Variants in PCDHGA5 observed in about 807,000 individuals in gnomAD.
The protein encoded by PCDHGA5 is protocadherin gamma subfamily A, 5, also known as protocadherin gamma-A5.
In PCDHGA5, 36 loss-of-function variants were observed where a neutral mutation model predicts 56.7. The ratio of observed to expected loss-of-function variants is 0.64; its 90% CI spans 0.49 to 0.84. The LOEUF is 0.84. Ranked by LOEUF, PCDHGA5 falls within the 40% of genes least tolerant of loss-of-function variation. The pLI is 0.00. For synonymous variants in PCDHGA5, 563 were observed against 520.2 expected (o/e 1.08, Z -1.12); for missense variants, 1,305 against 1,201.5 (o/e 1.09, Z -1.27).
At position 141,485,286 on chromosome 5, in the gene PCDHGA5, A is replaced by G; in HGVS notation, c.2422-9521A>G. The G allele has an allele frequency of 2.5e-6, 4 of 1,614,044 alleles. No individual in the cohort carries two copies. On this transcript the variant is annotated intron_variant, in intron 1 of 3. Transcript: ENST00000518069. This position sits in a 1 kb window ranked among gnomAD's most constrained non-coding sequence, Gnocchi z 5.7. ...CAGATCCGCTACCCGGTCCCAGAGG[A>G]GTCACAGGAAGGGACTTTTGTAGGG...
chr5:141,419,332 C>A, intron 1 of PCDHGA5: 1 of 1,613,950 alleles, frequency 6.2e-7, no homozygotes, highest in South Asian at 1.1e-5. Context: ...CCTACTCTCT[C>A]ATTGCCAGCG....
At chr5:141,374,172 A>G (rs1770228418) in intron 1 of PCDHGA5, 1 of 1,613,330 alleles carries the variant, frequency 6.2e-7, no homozygotes, top group Non-Finnish European at 8.5e-7. Context: ...GCGGCAGCGC[A>G]GATCCGCTAC....
intron 1 of PCDHGA5, chr5:141,394,981 G>T: frequency 6.2e-7 from 1 of 1,613,964 alleles, no homozygotes; most frequent in Non-Finnish European, 8.5e-7. Flanking sequence ...CACAAGTCAC[G>T]CCTGCTCCAG....
At chr5:141,418,189 G>A in intron 1 of PCDHGA5, 1 of 1,614,046 alleles carries the variant, frequency 6.2e-7, no homozygotes, top group Admixed American at 1.7e-5. Flanking sequence ...AAGCTGTGGT[G>A]GAAAATCCTT....
At chr5:141,448,667 G>A (rs1262994760) in intron 1 of PCDHGA5, among the ~76,000 whole-genome samples, 6 of 151,990 alleles carry the variant, frequency 3.9e-5, no homozygotes, top group African/African-American at 9.7e-5. Flanking sequence ...TTGGCCGGGC[G>A]CGGTGGCTCA....
chr5:141,508,910 A>T (rs2099872999), intron 3 of PCDHGA5, among the ~76,000 whole-genome samples: 1 of 151,906 alleles, frequency 6.6e-6, no homozygotes, highest in Non-Finnish European at 1.5e-5. Context: ...GCGGTGGCGG[A>T]TCTGGCTTCC....
At chr5:141,377,605 C>CAAAA (rs71576112) in intron 1 of PCDHGA5, 1 of 140,670 alleles carries the variant, frequency 7.1e-6, no homozygotes. Flanking sequence ...CTCTCTCTCT[C>CAAAA]AAAAAAAAAA....
In PCDHGA5 at chr5:141,511,307, G is replaced by A. The variant is rs919320754; in HGVS notation, c.*134G>A. On this transcript the variant is annotated 3_prime_UTR_variant, in exon 4 of 4. Coordinates refer to ENST00000518069, the MANE Select transcript of PCDHGA5 (RefSeq NM_018918.3). ...TAGGGGCCAAGGCCATGCTCCCCTT[G>A]GGAAACAGAAACAAGTGCCCAGTCA... 8 of 1,488,416 alleles carry A rather than the reference G, an allele frequency of 5.4e-6. No individual in the cohort carries two copies. Among genetic ancestry groups the A allele is most frequent in the Non-Finnish European group, 5.4e-6 (6 of 1,115,202 alleles). The allele number at this position is 1,488,416 out of a possible 1,614,324, so 92.2% of individuals were successfully genotyped here. A position where few individuals can be genotyped will look rare whatever the true frequency, so the allele number is the denominator to read the frequency against.
chr5:141,496,533 G>A (rs2099769399), intron 2 of PCDHGA5, among the ~76,000 whole-genome samples: 2 of 152,176 alleles, frequency 1.3e-5, no homozygotes, highest in Admixed American at 1.3e-4. Context: ...GTGTATGGCA[G>A]AGATTCCAGC....
intron 1 of PCDHGA5, chr5:141,370,488 C>T (rs758506114): frequency 1.2e-6 from 2 of 1,613,906 alleles, no homozygotes; most frequent in Admixed American, 3.3e-5. Flanking sequence ...TCTCTCCGAA[C>T]CGATCCGCTA....
rs922592733 is a variant in PCDHGA5 at position 141,487,979 on chromosome 5, C to T, written c.2422-6828C>T. Among the ~76,000 whole-genome samples the T allele has an allele frequency of 1.3e-5, 2 of 152,178 alleles. No individual in the cohort carries two copies. Among genetic ancestry groups the T allele is most frequent in the African/African-American group, 4.8e-5 (2 of 41,442 alleles). The stretch of plus-strand genomic sequence containing the variant: ...TGGACAAAGGTGGCTGTTTTCTCTA[C>T]TCTTCCTGAAAGAGGGGATCAGATT... On this transcript the variant is annotated intron_variant, in intron 1 of 3. Coordinates refer to ENST00000518069, the MANE Select transcript of PCDHGA5 (RefSeq NM_018918.3). The surrounding 1 kb of genome is among the most constrained non-coding windows in gnomAD (Gnocchi z 5.0).
At chr5:141,494,755 C>T (rs1246224213) in intron 1 of PCDHGA5, 52 bp from the exon 2 acceptor site, 18 of 1,613,724 alleles carry the variant, frequency 1.1e-5, no homozygotes, top group African/African-American at 1.3e-5. Context: ...GCTCGGGTGA[C>T]ATTCTAACTT....
chr5:141,422,876 G>A (rs2096681830), intron 1 of PCDHGA5: 1 of 1,614,248 alleles, frequency 6.2e-7, no homozygotes, highest in Non-Finnish European at 8.5e-7. Context: ...GTGTCGCTGA[G>A]CCTGTTCGTG....
intron 1 of PCDHGA5, chr5:141,479,660 A>G (rs1206947602): frequency 6.6e-6 from 1 of 152,266 alleles, no homozygotes; most frequent in African/African-American, 2.4e-5. Flanking sequence ...ACAATCCCAG[A>G]AACTACAAAA....
chr5:141,399,263 A>G, intron 1 of PCDHGA5: 9 of 1,613,918 alleles, frequency 5.6e-6, no homozygotes, highest in Non-Finnish European at 7.6e-6. Context: ...GGGGAGGTTA[A>G]TTGTCAATTA....
chr5:141,448,421 A>G (rs1380029405), intron 1 of PCDHGA5, among the ~76,000 whole-genome samples: 1 of 152,132 alleles, frequency 6.6e-6, no homozygotes, highest in Non-Finnish European at 1.5e-5. Flanking sequence ...ACAATATACT[A>G]TGTATATATT....
intron 1 of PCDHGA5, chr5:141,370,473 C>A: frequency 6.2e-7 from 1 of 1,613,496 alleles, no homozygotes; most frequent in Non-Finnish European, 8.5e-7. Flanking sequence ...TTTGTTAGAC[C>A]AGGCTCTCTC....
chr5:141,423,766 C>A, intron 1 of PCDHGA5: 1 of 1,110,086 alleles, frequency 9.0e-7, no homozygotes, highest in Non-Finnish European at 1.1e-6. Context: ...GGGGGTGGGG[C>A]GGCATATATT....
chr5:141,431,420 G>A lies in PCDHGA5; in HGVS notation c.2422-63387G>A, dbSNP rs780266425. ...TACGGCCTCCGACGGGGGCGACCCG[G>A]TGCGCACAGGCACCGCGCGCATCCG... On this transcript the variant is annotated intron_variant, in intron 1 of 3. Coordinates refer to ENST00000518069, the MANE Select transcript of PCDHGA5 (RefSeq NM_018918.3). The surrounding 1 kb of genome is among the most constrained non-coding windows in gnomAD (Gnocchi z 4.8). 5 of 1,613,592 alleles carry A rather than the reference G, an allele frequency of 3.1e-6. No homozygotes were observed. The highest frequency in any genetic ancestry group is 3.4e-6 in the Non-Finnish European group (4 of 1,180,050).
Sources: gnomAD v4.1 joint callset for allele counts (sites outside exome capture counted in the v4.1 genomes callset) on GRCh38, gnomAD v4.1.1 for gene constraint, Gnocchi (gnomAD v3.1) non-coding constraint, MANE v1.5 for transcripts, NCBI Gene and HGNC (gene_info 2026-07-23, HGNC 2026-07-21) for gene names.